Variants in ANO10 observed in about 807,000 individuals in gnomAD.
ANO10 encodes the protein anoctamin-10.
Under a neutral mutation model 74.7 loss-of-function variants are expected in ANO10, and 77 were observed. The observed-to-expected ratio is 1.03, with a 90% CI of 0.86 to 1.25. The LOEUF is 1.25. Ranked by LOEUF, ANO10 falls within the 50% of genes most tolerant of loss-of-function variation. The pLI is 0.00. For missense variants in ANO10, 721 were observed against 778.1 expected (o/e 0.93, Z 0.87); for synonymous variants, 279 against 284.9 (o/e 0.98, Z 0.21).
chr3:43,578,975 C>A (rs981682355), intron 5 of ANO10, among the ~76,000 whole-genome samples: 3 of 151,980 alleles, frequency 2.0e-5, no homozygotes, highest in African/African-American at 7.2e-5. Context: ...AGGGTTTGAT[C>A]TTACAACAAT....
chr3:43,380,185 T>G (rs1041424165), intron 12 of ANO10, among the ~76,000 whole-genome samples: 8 of 151,686 alleles, frequency 5.3e-5, no homozygotes, highest in African/African-American at 1.7e-4. Context: ...TTTGGGATTA[T>G]GTTAAACAAC....
intron 11 of ANO10, among the ~76,000 whole-genome samples, chr3:43,469,664 C>T (rs143426415): frequency 3.7e-4 from 57 of 152,278 alleles, no homozygotes; most frequent in African/African-American, 1.3e-3. Flanking sequence ...CCAGAACACC[C>T]CCACTAAGGA....
intron 11 of ANO10, among the ~76,000 whole-genome samples, chr3:43,462,421 G>A (rs1031513198): frequency 6.6e-6 from 1 of 152,000 alleles, no homozygotes; most frequent in African/African-American, 2.4e-5. Context: ...AGTAGAGATG[G>A]GGTTTTGCCA....
chr3:43,638,529 T>C (rs1011703585), intron 1 of ANO10: 2 of 152,234 alleles, frequency 1.3e-5, no homozygotes, highest in African/African-American at 2.4e-5. Context: ...TTTTTCTACC[T>C]ATTTGTGAAA....
intron 12 of ANO10, among the ~76,000 whole-genome samples, chr3:43,395,182 G>A (rs530662758): frequency 1.3e-5 from 2 of 152,198 alleles, no homozygotes; most frequent in Admixed American, 1.3e-4. Context: ...TTAACAATCA[G>A]AGGACCCTAG....
chr3:43,394,617 G>C (rs552511354), intron 12 of ANO10, among the ~76,000 whole-genome samples: 4 of 152,246 alleles, frequency 2.6e-5, no homozygotes, highest in African/African-American at 9.6e-5. Flanking sequence ...CTTGCATTTA[G>C]TTTTCCCATT....
chr3:43,593,528 C>G (rs945924271), intron 4 of ANO10, among the ~76,000 whole-genome samples: 5 of 151,726 alleles, frequency 3.3e-5, no homozygotes, highest in Middle Eastern at 3.2e-3. Context: ...AAGTGAAGGA[C>G]AAATAAAATA....
At chr3:43,465,332 G>GTA (rs1203797466) in intron 11 of ANO10, among the ~76,000 whole-genome samples, 13 of 152,124 alleles carry the variant, frequency 8.5e-5, no homozygotes, top group Admixed American at 8.5e-4. Flanking sequence ...AGGCCATGTG[G>GTA]TATAGCCCAT....
chr3:43,371,609 C>A (rs193240161), intron 12 of ANO10, among the ~76,000 whole-genome samples: 2 of 152,160 alleles, frequency 1.3e-5, no homozygotes, highest in African/African-American at 4.8e-5. Flanking sequence ...AGGGGAATGG[C>A]GGGGAAGAAG....
chr3:43,397,754 T>C (rs1471702176), intron 12 of ANO10, among the ~76,000 whole-genome samples: 1 of 152,202 alleles, frequency 6.6e-6, no homozygotes, highest in Non-Finnish European at 1.5e-5. Context: ...TCTGGTACTC[T>C]GTCCTGTGAA....
At chr3:43,465,113 A>AC (rs2075558684) in intron 11 of ANO10, among the ~76,000 whole-genome samples, 1 of 152,194 alleles carries the variant, frequency 6.6e-6, no homozygotes, top group Non-Finnish European at 1.5e-5. Context: ...CCTAAGTTTT[A>AC]CCCCATATAA....
chr3:43,476,409 G>A (rs536494644), intron 11 of ANO10, among the ~76,000 whole-genome samples: 2 of 152,272 alleles, frequency 1.3e-5, no homozygotes, highest in Non-Finnish European at 2.9e-5. Flanking sequence ...AGTGGGGTCT[G>A]TAGTGGTCTA....
intron 11 of ANO10, among the ~76,000 whole-genome samples, chr3:43,528,903 T>C (rs551493201): frequency 3.3e-5 from 5 of 152,050 alleles, no homozygotes; most frequent in African/African-American, 9.6e-5. Context: ...GAGGTTGCAG[T>C]GAGCTGGACT....
At chr3:43,389,331 T>A (rs1012227881) in intron 12 of ANO10, among the ~76,000 whole-genome samples, 23 of 152,232 alleles carry the variant, frequency 1.5e-4, no homozygotes, top group African/African-American at 5.5e-4. Context: ...TGGTAAAAGT[T>A]ATAAAATATA....
At chr3:43,608,454 A>G (rs2082661329) in intron 1 of ANO10, among the ~76,000 whole-genome samples, 1 of 152,136 alleles carries the variant, frequency 6.6e-6, no homozygotes, top group African/African-American at 2.4e-5. Context: ...TTGTAGAGAC[A>G]GGGTTTTGCC....
chr3:43,523,927 G>C lies in ANO10; in HGVS notation c.1797+25793C>G, dbSNP rs183141888. 1.5e-3 allele frequency among the ~76,000 whole-genome samples: 228 copies of C among 152,018 alleles called. 1 individual carries two copies. Among genetic ancestry groups the C allele is most frequent in the East Asian group, 2.7e-3 (14 of 5,158 alleles). The stretch of plus-strand genomic sequence containing the variant: ...TCCAGAGACTAGAGTGTAAGCCATG[G>C]AGTAGATGAGCTCATCCAGGGGCTA... On this transcript the variant is annotated intron_variant, in intron 11 of 12. Transcript: ENST00000292246.
chr3:43,661,026 A>T (rs577971980), intron 1 of ANO10, among the ~76,000 whole-genome samples: 6 of 152,334 alleles, frequency 3.9e-5, no homozygotes, highest in African/African-American at 1.4e-4. Context: ...AAGGCAGGCC[A>T]ATGTTCAAAT....
rs764608783 is a variant in ANO10, at chr3:43,561,314, A to T, written c.1382T>A (p.Val461Glu). Residue 461 changes from valine to glutamate, a missense_variant, in exon 9 of 13, where the codon GTG becomes GAG. Physicochemically the swap from Val to Glu is moderately radical, Grantham distance 121. Transcript: ENST00000292246. ...AGCCTGCACCTTCCTCTTCACCCGCACACCATGCTTCCTTTGGAGCCAATA... is the reference window on the plus strand; with the variant it reads ...AGCCTGCACCTTCCTCTTCACCCGCTCACCATGCTTCCTTTGGAGCCAATA... ...LPYWLQRKHGVRVKRKVQALK... is the reference protein window; with the variant it reads ...LPYWLQRKHGERVKRKVQALK... 6.2e-7 allele frequency: 1 copy of T among 1,614,146 alleles called. No individual in the cohort carries two copies. The highest frequency in any genetic ancestry group is 1.3e-5 in the African/African-American group (1 of 75,042).
chr3:43,506,963 C>A (rs924698718), intron 11 of ANO10, among the ~76,000 whole-genome samples: 1 of 152,136 alleles, frequency 6.6e-6, no homozygotes, highest in African/African-American at 2.4e-5. Context: ...AGAGGTTTTC[C>A]TTCCTTTTGT....
Sources: allele counts gnomAD v4.1 joint callset (sites outside exome capture counted in the v4.1 genomes callset), GRCh38; gene constraint gnomAD v4.1.1; transcripts MANE v1.5; gene names NCBI Gene and HGNC (gene_info 2026-07-23, HGNC 2026-07-21).